The following ATP13A2 variants were observed in gnomAD, a reference collection of about 807,000 sequenced individuals.
ATP13A2 encodes the protein polyamine-transporting ATPase 13A2.
ATP13A2 carries 83 observed loss-of-function variants against 138.3 expected under a neutral mutation model. The ratio of observed to expected loss-of-function variants is 0.60; its 90% CI spans 0.50 to 0.72. ATP13A2 has a LOEUF of 0.72. Among genes scored for constraint, ATP13A2 ranks in the 30% least tolerant of loss-of-function variants. ATP13A2 has a pLI of 0.00. For missense variants in ATP13A2, 1,402 were observed against 1,606.4 expected (o/e 0.87, Z 2.17); for synonymous variants, 663 against 699.0 (o/e 0.95, Z 0.81).
intron 23 of ATP13A2, 27 bp from the exon 24 acceptor site, chr1:16,988,501 C>T (rs781119190): frequency 6.2e-7 from 1 of 1,613,276 alleles, no homozygotes; most frequent in Non-Finnish European, 8.5e-7. Flanking sequence ...ACAGGTGTGG[C>T]CTGGGGAATT....
At chr1:17,003,091 G>A (rs1374462293) in intron 6 of ATP13A2, among the ~76,000 whole-genome samples, 5 of 152,190 alleles carry the variant, frequency 3.3e-5, no homozygotes, top group African/African-American at 9.6e-5. Context: ...TGTGGTCTAC[G>A]CTGGCCCAAG....
chr1:16,993,705 C>T lies in ATP13A2; in HGVS notation c.1673G>A (p.Cys558Tyr). The stretch of plus-strand genomic sequence containing the variant: ...GTCCTGGAGCCGGCTGAGGGCATGG[C>T]AGGTGGCCAGTGCTCGGAGCAGGGG... ...VGPLLRALATCHALSRLQDTP... is the reference protein window; with the variant it reads ...VGPLLRALATYHALSRLQDTP... Residue 558 changes from cysteine to tyrosine, a missense_variant, in exon 16 of 29, where the codon TGC becomes TAC. Physicochemically the swap from Cys to Tyr is radical, Grantham distance 194. Transcript: ENST00000326735. The T allele has an allele frequency of 1.3e-6, 2 of 1,594,820 alleles. No homozygotes were observed. The highest frequency in any genetic ancestry group is 2.3e-5 in the South Asian group (2 of 88,032).
At chr1:17,009,514 C>T (rs1306884223) in intron 1 of ATP13A2, among the ~76,000 whole-genome samples, 1 of 151,110 alleles carries the variant, frequency 6.6e-6, no homozygotes, top group Non-Finnish European at 1.5e-5. Context: ...ACTCTTGCCT[C>T]TGCCTCCCAA....
intron 11 of ATP13A2, among the ~76,000 whole-genome samples, chr1:16,999,152 G>A (rs2077249132): frequency 1.3e-5 from 2 of 151,996 alleles, no homozygotes; most frequent in South Asian, 4.2e-4. Context: ...AGGCTGGGGC[G>A]GGCAGATCAC....
chr1:16,994,591 T>C (rs992806586), intron 15 of ATP13A2, among the ~76,000 whole-genome samples: 6 of 152,124 alleles, frequency 3.9e-5, no homozygotes, highest in African/African-American at 1.4e-4. Flanking sequence ...TCCTAGACTC[T>C]AACTGCCCAA....
Position 16,996,068 on chromosome 1 carries a change from C to T in ATP13A2, c.1450G>A (p.Ala484Thr), listed in dbSNP as rs765428610. The T allele has an allele frequency of 5.0e-6, 8 of 1,613,986 alleles. No homozygotes were observed. Among genetic ancestry groups the T allele is most frequent in the East Asian group, 4.5e-5 (2 of 44,902 alleles). The change falls in exon 15 of 29, where the codon GCC becomes ACC. Residue 484 changes from alanine to threonine, a missense_variant. Ala to Thr is a moderately conservative substitution (Grantham distance 58). Transcript: ENST00000326735. ...PAAMTVCTLY[A>T]QSRLRRQGIF... is the part of the protein sequence containing the mutation. ...CCCTGTCTCCGCAGTCGGCTCTGGG[C>T]GTAGAGCGTGCACACAGTCATGGCA...
Position 16,989,716 on chromosome 1 carries a change from GCT to G in ATP13A2, c.2582_2583del (p.Glu861AlafsTer21). The G allele has an allele frequency of 6.2e-7, 1 of 1,614,102 alleles. No individual in the cohort carries two copies. The highest frequency in any genetic ancestry group is 8.5e-7 in the Non-Finnish European group (1 of 1,180,038). ...TGAAGCTTCTGTAGCTCGCACACCA[GCT>G]CTGTCTTCTGCTCAGGGGCCATGCG... Reference protein sequence around the residue: ...FARMAPEQKTELVCELQKLQY... With the variant: ...FARMAPEQKTXLVCELQKLQY... On this transcript the variant is annotated frameshift_variant, in exon 23 of 29. Coordinates refer to ENST00000326735, the MANE Select transcript of ATP13A2 (RefSeq NM_022089.4). LOFTEE classifies it high-confidence loss of function.
intron 1 of ATP13A2, among the ~76,000 whole-genome samples, chr1:17,007,567 T>C (rs2077606005): frequency 6.7e-6 from 1 of 149,480 alleles, no homozygotes; most frequent in Admixed American, 6.7e-5. Flanking sequence ...TTTTTTTTTT[T>C]TTGAGAGCGA....
chr1:16,997,429 C>CGGGGGGGG (rs2077179332), intron 11 of ATP13A2, among the ~76,000 whole-genome samples: 1 of 86,158 alleles, frequency 1.2e-5, no homozygotes. Flanking sequence ...GGGGGTGGGT[C>CGGGGGGGG]AGACAGAGCA....
At chr1:17,000,702 G>A (rs2077323226) in intron 8 of ATP13A2, 168 bp from the exon 9 acceptor site, 1 of 851,498 alleles carries the variant, frequency 1.2e-6, no homozygotes, top group East Asian at 2.7e-5. Flanking sequence ...ACATCCCCAG[G>A]GCCCTCAGTT....
In ATP13A2 at chr1:16,986,167, G is replaced by A; in HGVS notation, c.*54C>T. The A allele has an allele frequency of 6.2e-7, 1 of 1,611,302 alleles. No individual in the cohort carries two copies. The highest frequency in any genetic ancestry group is 8.5e-7 in the Non-Finnish European group (1 of 1,179,174). On this transcript the variant is annotated 3_prime_UTR_variant, in exon 29 of 29. Transcript: ENST00000326735. This position sits in a 1 kb window ranked among gnomAD's most constrained non-coding sequence, Gnocchi z 6.9. ...GGTGGTGTTGCTGGAGAGGGGTCCA[G>A]TTGGTGGCTCAGAGGCAGGGAGTTC...
Position 17,011,612 on chromosome 1 carries a change from C to CT in ATP13A2, c.10+116dup, listed in dbSNP as rs201344644. The CT allele has an allele frequency of 1.1e-3, 1,415 of 1,318,570 alleles. 16 individuals carry two copies. The African/African-American group carries it at 0.02, about 19-fold the overall frequency. 81.7% of individuals were successfully genotyped at this position (1,318,570 alleles called of 1,614,324 possible). On this transcript the variant is annotated intron_variant, in intron 1 of 28. Coordinates refer to ENST00000326735, the MANE Select transcript of ATP13A2 (RefSeq NM_022089.4). The surrounding 1 kb of genome is among the most constrained non-coding windows in gnomAD (Gnocchi z 7.3). ...AGGATCCCCAACCAGGTCCCGCTTC[C>CT]TGGGCTCGCGACCCCGCGGTGGGGG...
intron 20 of ATP13A2, among the ~76,000 whole-genome samples, chr1:16,991,486 C>G (rs950504256): frequency 2.6e-5 from 4 of 152,232 alleles, no homozygotes; most frequent in African/African-American, 9.6e-5. Context: ...GGCTGTCTGA[C>G]AGCGCACATG....
chr1:16,989,917 A>C lies in ATP13A2; in HGVS notation c.2499T>G (p.Ile833Met). The C allele has an allele frequency of 6.2e-7, 1 of 1,601,270 alleles. No homozygotes were observed. The highest frequency in any genetic ancestry group is 8.5e-7 in the Non-Finnish European group (1 of 1,173,860). The stretch of plus-strand genomic sequence containing the variant: ...GCAGCAGCTTGGGGAAGTGCTTCAC[A>C]ATGATACCAAAGGTGGGCCCGCTGA... ...LALSGPTFGI[I>M]VKHFPKLLPK... Residue 833 changes from isoleucine (I) to methionine (M), a missense_variant, in exon 22 of 29, where the codon ATT becomes ATG. Transcript: ENST00000326735.
Position 16,986,790 on chromosome 1 carries a change from C to A in ATP13A2, c.3235+15G>T. On this transcript the variant is annotated intron_variant, in intron 27 of 28. Coordinates refer to ENST00000326735, the MANE Select transcript of ATP13A2 (RefSeq NM_022089.4). The surrounding 1 kb of genome is among the most constrained non-coding windows in gnomAD (Gnocchi z 6.9). ...TCCCTCCGCCAGCATCTCCCGCCCG[C>A]GCCCGCAGTGGCACCATTGGTGTAG... is the stretch of plus-strand genomic sequence containing the variant. The A allele has an allele frequency of 6.2e-7, 1 of 1,610,662 alleles. No individual in the cohort carries two copies.
intron 16 of ATP13A2, among the ~76,000 whole-genome samples, chr1:16,992,884 T>G (rs1364674121): frequency 6.6e-6 from 1 of 152,256 alleles, no homozygotes; most frequent in Non-Finnish European, 1.5e-5. Flanking sequence ...TGGCGCATAG[T>G]AGGCACTCAG....
intron 6 of ATP13A2, among the ~76,000 whole-genome samples, 159 bp from the exon 7 acceptor site, chr1:17,002,532 G>T (rs937224114): frequency 1.3e-5 from 2 of 152,246 alleles, no homozygotes; most frequent in Non-Finnish European, 2.9e-5. Flanking sequence ...CCAAGGCTTG[G>T]CTTTGCCCTT....
chr1:16,986,126 T>C lies in ATP13A2; in HGVS notation c.*95A>G, dbSNP rs748368992. On this transcript the variant is annotated 3_prime_UTR_variant, in exon 29 of 29. Transcript: ENST00000326735. This position sits in a 1 kb window ranked among gnomAD's most constrained non-coding sequence, Gnocchi z 6.9. ...TGTAGACAGTCGCCAACCTCAGGGATGTGGGAGGTGGTGGCGGTGGTGTTG... is the reference window on the plus strand; with the variant it reads ...TGTAGACAGTCGCCAACCTCAGGGACGTGGGAGGTGGTGGCGGTGGTGTTG... The C allele has an allele frequency of 6.3e-7, 1 of 1,592,688 alleles. No homozygotes were observed. Among genetic ancestry groups the C allele is most frequent in the South Asian group, 1.1e-5 (1 of 87,402 alleles).
intron 16 of ATP13A2, among the ~76,000 whole-genome samples, chr1:16,993,284 C>T (rs2076999219): frequency 6.6e-6 from 1 of 152,182 alleles, no homozygotes; most frequent in Non-Finnish European, 1.5e-5. Context: ...AGCGTGATCA[C>T]AGCTCCCTGT....
Sources: allele counts gnomAD v4.1 joint callset (sites outside exome capture counted in the v4.1 genomes callset), GRCh38; gene constraint gnomAD v4.1.1; non-coding constraint Gnocchi (gnomAD v3.1); transcripts MANE v1.5; gene names NCBI Gene and HGNC (gene_info 2026-07-23, HGNC 2026-07-21).